The following CAPN3 variants were observed in gnomAD, a reference collection of about 807,000 sequenced individuals.
CAPN3 encodes the protein calpain-3.
CAPN3 carries 88 observed loss-of-function variants against 114.0 expected under a neutral mutation model. The ratio of observed to expected loss-of-function variants is 0.77; its 90% CI spans 0.65 to 0.92. CAPN3 has a LOEUF of 0.92. Among genes scored for constraint, CAPN3 ranks in the 40% least tolerant of loss-of-function variants. The probability of loss-of-function intolerance (pLI) is 0.00; values close to 1 mark genes in which losing one functional copy is unlikely to be tolerated. For synonymous variants in CAPN3, 386 were observed against 382.9 expected (o/e 1.01, Z -0.09); for missense variants, 1,028 against 1,069.0 (o/e 0.96, Z 0.53).
chr15:42,366,828 C>CTTTTTTT (rs545010219), intron 1 of CAPN3, among the ~76,000 whole-genome samples: 18 of 127,816 alleles, frequency 1.4e-4, no homozygotes, highest in South Asian at 5.0e-4. Flanking sequence ...TCTTTTTTTT[C>CTTTTTTT]TTTTTTTTTT....
chr15:42,371,906 A>G (rs746193483), intron 1 of CAPN3, among the ~76,000 whole-genome samples: 5 of 151,980 alleles, frequency 3.3e-5, no homozygotes, highest in Non-Finnish European at 5.9e-5. Context: ...AGAGGTTGCA[A>G]TGAGCCAAAA....
chr15:42,411,162 C>A, intron 22 of CAPN3, 125 bp from the exon 23 acceptor site: 1 of 1,024,412 alleles, frequency 9.8e-7, no homozygotes, highest in Non-Finnish European at 1.6e-6. Flanking sequence ...ACTGGTGATT[C>A]TCTGCCTGCA....
At chr15:42,369,926 G>C (rs967436739) in intron 1 of CAPN3, among the ~76,000 whole-genome samples, 1 of 148,810 alleles carries the variant, frequency 6.7e-6, no homozygotes, top group Non-Finnish European at 1.5e-5. Flanking sequence ...AGGCTGGAGT[G>C]CAATAGCGCG....
At chr15:42,408,983 G>A (rs1878477023) in intron 16 of CAPN3, 1 of 408,710 alleles carries the variant, frequency 2.4e-6, no homozygotes, top group Admixed American at 3.6e-5. Flanking sequence ...TCTTTGACCT[G>A]CGGGCACCTT....
At chr15:42,397,152 C>T (rs570748085) in intron 9 of CAPN3, among the ~76,000 whole-genome samples, 1 of 152,204 alleles carries the variant, frequency 6.6e-6, no homozygotes, top group Non-Finnish European at 1.5e-5. Flanking sequence ...GGCACCCTGG[C>T]CTTAGCACAA....
intron 1 of CAPN3, chr15:42,374,070 C>G (rs1484140872): frequency 6.6e-6 from 1 of 152,416 alleles, no homozygotes; most frequent in Admixed American, 6.5e-5. Flanking sequence ...TTGGAACTCT[C>G]TCTCCCCTCC....
At chr15:42,408,739 G>A (rs866037974) in intron 16 of CAPN3, 6 of 348,758 alleles carry the variant, frequency 1.7e-5, no homozygotes, top group South Asian at 2.3e-5. Flanking sequence ...TAGAGCTCAC[G>A]GGAGGGTGTT....
intron 7 of CAPN3, among the ~76,000 whole-genome samples, chr15:42,393,953 C>T (rs2053623590): frequency 6.6e-6 from 1 of 152,082 alleles, no homozygotes; most frequent in African/African-American, 2.4e-5. Context: ...TAGCAGGGCC[C>T]TACTGTTTAT....
chr15:42,412,282 A>G lies in CAPN3; in HGVS notation c.*509A>G. 1 of 1,178,396 alleles carries G rather than the reference A, an allele frequency of 8.5e-7. No individual in the cohort carries two copies. Among genetic ancestry groups the G allele is most frequent in the Non-Finnish European group, 1.2e-6 (1 of 835,186 alleles). The allele number at this position is 1,178,396 out of a possible 1,614,324, so 73.0% of individuals were successfully genotyped here. On this transcript the variant is annotated 3_prime_UTR_variant, in exon 24 of 24. Coordinates refer to ENST00000397163, the MANE Select transcript of CAPN3 (RefSeq NM_000070.3). Reference sequence around the variant, plus strand: ...CATAAGTTTGGCTGCATTTTGAAAAAAGCTGATCTAAATAAAGGCATGTGT... The same window carrying G: ...CATAAGTTTGGCTGCATTTTGAAAAGAGCTGATCTAAATAAAGGCATGTGT...
intron 23 of CAPN3, 145 bp from the exon 24 acceptor site, chr15:42,411,602 G>C: frequency 1.3e-6 from 1 of 741,596 alleles, no homozygotes; most frequent in South Asian, 1.4e-5. Flanking sequence ...AAAGGAAACA[G>C]TAAGCCACTG....
intron 14 of CAPN3, chr15:42,404,196 C>T: frequency 4.4e-6 from 2 of 458,110 alleles, no homozygotes; most frequent in Admixed American, 4.7e-5. Flanking sequence ...AGCGGGGTGA[C>T]CTGGACAATT....
chr15:42,382,210 GT>G (rs994776322), intron 1 of CAPN3, among the ~76,000 whole-genome samples: 140 of 144,520 alleles, frequency 9.7e-4, no homozygotes, highest in South Asian at 2.8e-3. Context: ...TCCAAACAAT[GT>G]TTTTTTTTTT....
chr15:42,367,383 C>T lies in CAPN3; in HGVS notation c.309+7269C>T, dbSNP rs962518193. Among the ~76,000 whole-genome samples the T allele has an allele frequency of 3.9e-5, 6 of 152,174 alleles. No homozygotes were observed. In the East Asian group the frequency reaches 1.2e-3, roughly 29 times the overall value. Reference sequence around the variant, plus strand: ...GTGTTCAAGACAATTCACAAGGAAGCCTGGTGCCTCAGCTAACACTGGGTG... The same window carrying T: ...GTGTTCAAGACAATTCACAAGGAAGTCTGGTGCCTCAGCTAACACTGGGTG... On this transcript the variant is annotated intron_variant, in intron 1 of 23. Transcript: ENST00000397163.
chr15:42,402,547 G>A (rs1288024230), intron 12 of CAPN3: 41 of 1,456,222 alleles, frequency 2.8e-5, no homozygotes, highest in Non-Finnish European at 3.7e-5. Context: ...GAGCTGAGGA[G>A]CAGCTGTTCT....
intron 4 of CAPN3, 54 bp from the exon 5 acceptor site, chr15:42,388,874 G>A: frequency 1.3e-6 from 2 of 1,548,222 alleles, no homozygotes; most frequent in Non-Finnish European, 1.8e-6. Flanking sequence ...TGGTACCTGG[G>A]TTTTGTTCCC....
At chr15:42,385,295 C>A (rs1244573813) in intron 2 of CAPN3, among the ~76,000 whole-genome samples, 1 of 152,112 alleles carries the variant, frequency 6.6e-6, no homozygotes, top group Non-Finnish European at 1.5e-5. Context: ...TATCTGGGTT[C>A]CTGCACCTGA....
intron 9 of CAPN3, 97 bp downstream of exon 9, chr15:42,396,974 C>G: frequency 3.3e-6 from 3 of 918,260 alleles, no homozygotes; most frequent in African/African-American, 1.6e-5. Flanking sequence ...CAGATTCCAG[C>G]CCTTGGGAGA....
In CAPN3 at chr15:42,410,445, G is replaced by A; in HGVS notation, c.2133G>A (p.Lys711=). Residue 711 remains lysine (K), a synonymous_variant, in exon 20 of 24, where the codon AAG becomes AAA. Transcript: ENST00000397163. ...TCCTCCAGACAGATGGCTCTGGAAAGCTCAACCTGCAGGAGTTCCACCACC... is the reference window on the plus strand; with the variant it reads ...TCCTCCAGACAGATGGCTCTGGAAAACTCAACCTGCAGGAGTTCCACCACC... ...IALMDTDGSG[K]LNLQEFHHLW... The A allele has an allele frequency of 6.2e-7, 1 of 1,614,142 alleles. No homozygotes were observed. The highest frequency in any genetic ancestry group is 8.5e-7 in the Non-Finnish European group (1 of 1,180,004).
rs1455297263 is a variant in CAPN3, at chr15:42,410,875, C to T, written c.2264-9C>T. The T allele has an allele frequency of 6.2e-7, 1 of 1,607,452 alleles. No individual in the cohort carries two copies. Among genetic ancestry groups the T allele is most frequent in the Non-Finnish European group, 8.5e-7 (1 of 1,173,970 alleles). On this transcript the variant is annotated splice_polypyrimidine_tract_variant and intron_variant, in intron 21 of 23. Coordinates refer to ENST00000397163, the MANE Select transcript of CAPN3 (RefSeq NM_000070.3). ...TCCACGTCCACCTCTAACATGGTCC[C>T]CTCCACAGGATTCCACCTCAACAAC...
Sources: gnomAD v4.1 joint callset for allele counts (sites outside exome capture counted in the v4.1 genomes callset) on GRCh38, gnomAD v4.1.1 for gene constraint, MANE v1.5 for transcripts, NCBI Gene and HGNC (gene_info 2026-07-23, HGNC 2026-07-21) for gene names.